The following KIF27 variants were observed in gnomAD, a reference collection of about 807,000 sequenced individuals.
KIF27 encodes the protein kinesin-like protein KIF27.
In KIF27, 84 loss-of-function variants were observed where a neutral mutation model predicts 141.8. That is an observed-to-expected ratio of 0.59 (90% CI 0.50 to 0.71). KIF27 has a LOEUF of 0.71. Ranked by LOEUF, KIF27 falls within the 30% of genes least tolerant of loss-of-function variation. The pLI, the probability that KIF27 is intolerant of heterozygous loss-of-function variation, is 0.00. For synonymous variants in KIF27, 471 were observed against 569.5 expected (o/e 0.83, Z 2.46); for missense variants, 1,306 against 1,628.4 (o/e 0.80, Z 3.41).
chr9:83,889,962 T>C (rs543760542), intron 6 of KIF27, among the ~76,000 whole-genome samples: 5 of 152,362 alleles, frequency 3.3e-5, no homozygotes, highest in African/African-American at 1.2e-4. Flanking sequence ...ATTGCCTTTA[T>C]ACCTTTGTTC....
At chr9:83,909,074 A>G (rs1450047334) in intron 2 of KIF27, among the ~76,000 whole-genome samples, 1 of 152,234 alleles carries the variant, frequency 6.6e-6, no homozygotes, top group Non-Finnish European at 1.5e-5. Context: ...CAATCCACCA[A>G]TAAACAAAAC....
intron 3 of KIF27, among the ~76,000 whole-genome samples, chr9:83,904,734 GAATT>G (rs1464344854): frequency 1.3e-5 from 2 of 151,314 alleles, no homozygotes; most frequent in African/African-American, 2.4e-5. Flanking sequence ...TAGATTAGAA[GAATT>G]AATTAGTATC....
chr9:83,841,259 C>T (rs1160012514), intron 17 of KIF27, among the ~76,000 whole-genome samples: 3 of 152,030 alleles, frequency 2.0e-5, no homozygotes, highest in African/African-American at 7.2e-5. Flanking sequence ...TTAATAGAGA[C>T]GGGGTTTCAC....
intron 13 of KIF27, among the ~76,000 whole-genome samples, chr9:83,861,729 T>C: frequency 6.6e-6 from 1 of 150,942 alleles, no homozygotes. Context: ...GTATTTCTAG[T>C]TGTAGATCCT....
chr9:83,888,535 C>G lies in KIF27; in HGVS notation c.2037G>C (p.Leu679Phe). 1 of 1,600,768 alleles carries G rather than the reference C, an allele frequency of 6.2e-7. No individual in the cohort carries two copies. Among genetic ancestry groups the G allele is most frequent in the Non-Finnish European group, 8.5e-7 (1 of 1,172,762 alleles). The change falls in exon 8 of 18, where the codon TTG becomes TTC. Residue 679 changes from leucine to phenylalanine, a missense_variant. Transcript: ENST00000297814. ...TTTGTGTTTCATCCTGAGTATCACT[C>G]AATTCAACAAGGGAACAAACAGAGT... Reference protein sequence around the residue: ...KPDSVCSLVELSDTQDETQKS... With the variant: ...KPDSVCSLVEFSDTQDETQKS...
chr9:83,907,701 GGAA>G (rs1363657143), intron 3 of KIF27, among the ~76,000 whole-genome samples: 2 of 152,028 alleles, frequency 1.3e-5, no homozygotes, highest in Admixed American at 6.6e-5. Flanking sequence ...TAAAAAAAGA[GGAA>G]GAAGTATGTG....
rs567580755 is a variant in KIF27 at position 83,915,763 on chromosome 9, T to G, written c.-87-85A>C. On this transcript the variant is annotated intron_variant, in intron 1 of 17. Transcript: ENST00000297814. ...AACCACCTTCTAAAGCAAAGTCAAT[T>G]AGAACAGGTTTTGTTCCAATACAAC... The G allele has an allele frequency of 1.5e-5, 9 of 603,730 alleles. No individual in the cohort carries two copies. In the South Asian group the frequency reaches 1.6e-4, roughly 10 times the overall value. The allele number at this position is 603,730 out of a possible 1,614,324, so 37.4% of individuals were successfully genotyped here.
rs1321921781 is a variant in KIF27 at position 83,880,499 on chromosome 9, G to A, written c.2446-5C>T. On this transcript the variant is annotated splice_region_variant and splice_polypyrimidine_tract_variant and intron_variant, in intron 10 of 17. Coordinates refer to ENST00000297814, the MANE Select transcript of KIF27 (RefSeq NM_017576.4). ...TTGTTGCTTCTTCTGCAAGACCTGA[G>A]ATCATATGGAATATTTCAAAATGAA... 9.4e-6 allele frequency: 15 copies of A among 1,600,990 alleles called. No individual in the cohort carries two copies. Among genetic ancestry groups the A allele is most frequent in the Non-Finnish European group, 8.5e-7 (1 of 1,174,368 alleles).
chr9:83,899,835 C>T lies in KIF27; in HGVS notation c.1459-31G>A, dbSNP rs1334569243. The T allele has an allele frequency of 1.9e-6, 3 of 1,578,608 alleles. No homozygotes were observed. In the East Asian group the frequency reaches 6.7e-5, roughly 35 times the overall value. ...GGGGAAAGAAAGCACAAGTGACATT[C>T]ACCACAGAAAATAATCAAGAAACCC... is the stretch of plus-strand genomic sequence containing the variant. On this transcript the variant is annotated intron_variant, in intron 4 of 17. Coordinates refer to ENST00000297814, the MANE Select transcript of KIF27 (RefSeq NM_017576.4).
chr9:83,889,854 G>T (rs1285225137), intron 6 of KIF27, among the ~76,000 whole-genome samples: 1 of 152,178 alleles, frequency 6.6e-6, no homozygotes, highest in Non-Finnish European at 1.5e-5. Context: ...CGTATGGCTA[G>T]CCTGGGAGTT....
chr9:83,873,779 G>A (rs1950984441), intron 11 of KIF27, among the ~76,000 whole-genome samples: 2 of 152,272 alleles, frequency 1.3e-5, no homozygotes, highest in South Asian at 4.2e-4. Context: ...CACTTTAAAA[G>A]TATACTGCAC....
intron 16 of KIF27, among the ~76,000 whole-genome samples, chr9:83,846,593 A>T (rs2131568534): frequency 6.6e-6 from 1 of 152,328 alleles, no homozygotes; most frequent in South Asian, 2.1e-4. Flanking sequence ...AAGACTGTGT[A>T]TGCTCTGCAT....
At position 83,915,405 on chromosome 9, in the gene KIF27, T is replaced by C; in HGVS notation, c.187A>G (p.Thr63Ala). ...GACAACACTAGGGGCTTTATACATG[T>C]GTTATAAACTTCATCTTGAGTGGAA... ...KNSTQDEVYN[T>A]CIKPLVLSLI... The change falls in exon 2 of 18, where the codon ACA (threonine) becomes GCA (alanine). Residue 63 changes from threonine (T) to alanine (A), a missense_variant. Thr to Ala is a moderately conservative substitution (Grantham distance 58). Transcript: ENST00000297814. The C allele has an allele frequency of 6.2e-7, 1 of 1,613,878 alleles. No homozygotes were observed.
Position 83,851,759 on chromosome 9 carries a change from C to T in KIF27, c.3358-1462G>A, listed in dbSNP as rs574474209. 2.5e-3 allele frequency among the ~76,000 whole-genome samples: 386 copies of T among 152,230 alleles called. 2 individuals carry two copies. The highest frequency in any genetic ancestry group is 9.1e-3 in the African/African-American group (376 of 41,540). ...ACTTGTTAATAATCTAATGACCTCT[C>T]CAGAAAAATAATCATTAATACAAGG... On this transcript the variant is annotated intron_variant, in intron 15 of 17. Coordinates refer to ENST00000297814, the MANE Select transcript of KIF27 (RefSeq NM_017576.4).
In KIF27 at chr9:83,859,449, G is replaced by A. The variant is rs569215218; in HGVS notation, c.2935-78C>T. Reference sequence around the variant, plus strand: ...CTGCATAAAAATTAGGAAAAACATAGAGAAAATTGCTAAATGAATATATTT... The same window carrying A: ...CTGCATAAAAATTAGGAAAAACATAAAGAAAATTGCTAAATGAATATATTT... On this transcript the variant is annotated intron_variant, in intron 13 of 17. Transcript: ENST00000297814. The A allele has an allele frequency of 1.3e-3, 1,222 of 936,520 alleles. 2 individuals carry two copies. The highest frequency in any genetic ancestry group is 1.9e-3 in the Non-Finnish European group (1,143 of 598,704). The allele number at this position is 936,520 out of a possible 1,614,324, so 58.0% of individuals were successfully genotyped here.
chr9:83,891,656 G>T (rs576264075), intron 5 of KIF27, among the ~76,000 whole-genome samples, 155 bp from the exon 6 acceptor site: 1 of 152,158 alleles, frequency 6.6e-6, no homozygotes, highest in Non-Finnish European at 1.5e-5. Context: ...GTGTTCACAA[G>T]TAACTAACAT....
intron 2 of KIF27, among the ~76,000 whole-genome samples, chr9:83,910,782 C>T (rs2132715571): frequency 6.6e-6 from 1 of 152,290 alleles, no homozygotes. Flanking sequence ...TTTATTTCTG[C>T]TCCCACTTGT....
In KIF27 at chr9:83,903,674, C is replaced by T; in HGVS notation, c.844G>A (p.Gly282Arg). ...LALGNVISAL[G>R]DPRRKSSHIP... ...TGTGAACTCTTCCTGCGTGGGTCCC[C>T]AAGAGCGCTTATTACATTTCCTAAA... The change falls in exon 4 of 18, where the codon GGG (glycine) becomes AGG (arginine). Residue 282 changes from glycine (G) to arginine (R), a missense_variant. This residue lies in a region of KIF27 where 533 missense variants were observed against 565.6 expected (regional missense o/e 0.94). Transcript: ENST00000297814. 1 of 1,614,104 alleles carries T rather than the reference C, an allele frequency of 6.2e-7. No individual in the cohort carries two copies. Among genetic ancestry groups the T allele is most frequent in the Non-Finnish European group, 8.5e-7 (1 of 1,180,034 alleles).
In KIF27 at chr9:83,915,359, G is replaced by A. The variant is rs750091863; in HGVS notation, c.233C>T (p.Ala78Val). ...AGTTTGTCCATAGGCAAAAACAGTT[G>A]CATTATAGCCCTCAATGAGTGACAA... Reference protein sequence around the residue: ...LVLSLIEGYNATVFAYGQTGS... With the variant: ...LVLSLIEGYNVTVFAYGQTGS... Residue 78 changes from alanine to valine, a missense_variant, in exon 2 of 18, where the codon GCA (alanine) becomes GTA (valine). Physicochemically the swap from Ala to Val is moderately conservative, Grantham distance 64. This residue lies in a region of KIF27 where 533 missense variants were observed against 565.6 expected (regional missense o/e 0.94). Coordinates refer to ENST00000297814, the MANE Select transcript of KIF27 (RefSeq NM_017576.4). The A allele has an allele frequency of 1.1e-5, 18 of 1,613,664 alleles. No homozygotes were observed. In the South Asian group the frequency reaches 1.3e-4, roughly 12 times the overall value.
Sources: gnomAD v4.1 joint callset for allele counts (sites outside exome capture counted in the v4.1 genomes callset) on GRCh38, gnomAD v4.1.1 for gene constraint, gnomAD v4.1.1 regional missense constraint, MANE v1.5 for transcripts, NCBI Gene and HGNC (gene_info 2026-07-23, HGNC 2026-07-21) for gene names.